The following DNAH7 variants were observed in gnomAD, a reference collection of about 807,000 sequenced individuals.
DNAH7 encodes dynein axonemal heavy chain 7, also known as axonemal beta dynein heavy chain 7.
DNAH7 carries 397 observed loss-of-function variants against 444.6 expected under a neutral mutation model. The ratio of observed to expected loss-of-function variants is 0.89; its 90% CI spans 0.82 to 0.97. The LOEUF (loss-of-function observed/expected upper bound fraction) is 0.97. DNAH7 is among the 50% of genes least tolerant of loss of function. DNAH7 has a pLI of 0.00. For missense variants in DNAH7, 4,902 were observed against 4,800.8 expected, an observed-to-expected ratio of 1.02 and a Z score of -0.62; for synonymous variants, 1,636 against 1,624.4, an observed-to-expected ratio of 1.01 and a Z score of -0.17.
intron 58 of DNAH7, among the ~76,000 whole-genome samples, chr2:195,785,685 T>C (rs940290108): frequency 8.5e-5 from 13 of 152,124 alleles, no homozygotes; most frequent in African/African-American, 2.9e-4. Context: ...GTGGTTTTTC[T>C]TCTTCAGCCT....
intron 21 of DNAH7, among the ~76,000 whole-genome samples, chr2:195,932,693 T>C (rs564415117): frequency 1.6e-4 from 25 of 152,274 alleles, no homozygotes; most frequent in Non-Finnish European, 2.9e-4. Flanking sequence ...GTTTTTGTCG[T>C]TGGTTCTGTT....
Position 195,796,717 on chromosome 2 carries a change from A to C in DNAH7, c.10374T>G (p.Leu3458=). The stretch of plus-strand genomic sequence containing the variant: ...GGCCTTGACCAAGAGATAAAGAGCT[A>C]AGTTTTGATCCCCCATATCCCTGTG... ...ADDQGYGGSK[L]SSLSLGQGQG... is the part of the protein sequence containing the mutation. Residue 3458 remains leucine, a synonymous_variant, in exon 56 of 65, where the codon CTT becomes CTG. Transcript: ENST00000312428. 1 of 1,614,132 alleles carries C rather than the reference A, an allele frequency of 6.2e-7. No homozygotes were observed. The highest frequency in any genetic ancestry group is 8.5e-7 in the Non-Finnish European group (1 of 1,179,980).
At chr2:196,026,242 A>C (rs928367736) in intron 7 of DNAH7, among the ~76,000 whole-genome samples, 1 of 152,216 alleles carries the variant, frequency 6.6e-6, no homozygotes, top group African/African-American at 2.4e-5. Context: ...CAGTGGCCAG[A>C]TTTGCCTGTG....
At chr2:195,817,642 C>A in intron 50 of DNAH7, 54 bp downstream of exon 50, 1 of 1,487,144 alleles carries the variant, frequency 6.7e-7, no homozygotes, top group Middle Eastern at 1.8e-4. Context: ...TATTTTAATT[C>A]ATTCTAGTGA....
At chr2:195,797,442 T>C (rs1696207072) in intron 55 of DNAH7, among the ~76,000 whole-genome samples, 1 of 152,170 alleles carries the variant, frequency 6.6e-6, no homozygotes, top group South Asian at 2.1e-4. Context: ...GATCCTGCTG[T>C]TTCTGGAAGA....
chr2:195,758,323 T>C (rs1442821709), intron 61 of DNAH7, among the ~76,000 whole-genome samples: 2 of 152,270 alleles, frequency 1.3e-5, no homozygotes, highest in African/African-American at 2.4e-5. Flanking sequence ...TTTTCACTTA[T>C]GCATTCAACT....
At chr2:196,024,255 C>G (rs1418783947) in intron 8 of DNAH7, among the ~76,000 whole-genome samples, 174 bp downstream of exon 8, 1 of 151,856 alleles carries the variant, frequency 6.6e-6, no homozygotes, top group Non-Finnish European at 1.5e-5. Flanking sequence ...CTGTGAAGCA[C>G]AATAAAGCAA....
intron 12 of DNAH7, chr2:195,999,096 T>C (rs1279021423): frequency 5.6e-6 from 4 of 717,174 alleles, no homozygotes; most frequent in Non-Finnish European, 2.6e-6. Flanking sequence ...GAAGTCATAA[T>C]TGGCATCTCC....
chr2:195,842,011 T>A lies in DNAH7; in HGVS notation c.8945+2991A>T, dbSNP rs551319575. 3.9e-5 allele frequency among the ~76,000 whole-genome samples: 6 copies of A among 152,178 alleles called. No individual in the cohort carries two copies. The South Asian group carries it at 1.2e-3, about 32-fold the overall frequency. ...TGATATTTTCGTTTTTACACACACA[T>A]AAATTCATAAAAACAGACAAGGAAA... On this transcript the variant is annotated intron_variant, in intron 47 of 64. Transcript: ENST00000312428.
In DNAH7 at chr2:195,817,623, T is replaced by C. The variant is rs1697285783; in HGVS notation, c.9425+73A>G. 2.1e-6 allele frequency: 3 copies of C among 1,427,412 alleles called. No homozygotes were observed. The African/African-American group carries it at 4.3e-5, about 20-fold the overall frequency. 88.4% of individuals were successfully genotyped at this position (1,427,412 alleles called of 1,614,324 possible). ...CCTATTAAATCTAACAAAAGAGATC[T>C]GTAAAATGTATTTTAATTCATTCTA... On this transcript the variant is annotated intron_variant, in intron 50 of 64. Coordinates refer to ENST00000312428, the MANE Select transcript of DNAH7 (RefSeq NM_018897.3).
At chr2:196,041,729 T>C (rs1360876866) in intron 5 of DNAH7, among the ~76,000 whole-genome samples, 3 of 151,836 alleles carry the variant, frequency 2.0e-5, no homozygotes, top group Admixed American at 1.3e-4. Context: ...AATATTTGCA[T>C]AGCAAAAGAA....
rs760170135 is a variant in DNAH7 at position 195,906,755 on chromosome 2, A to T, written c.4239T>A (p.Phe1413Leu). 6.2e-7 allele frequency: 1 copy of T among 1,613,480 alleles called. No individual in the cohort carries two copies. The highest frequency in any genetic ancestry group is 8.5e-7 in the Non-Finnish European group (1 of 1,179,596). Residue 1413 changes from phenylalanine (F) to leucine (L), a missense_variant, in exon 27 of 65, where the codon TTT becomes TTA. Physicochemically the swap from Phe to Leu is conservative, Grantham distance 22. Coordinates refer to ENST00000312428, the MANE Select transcript of DNAH7 (RefSeq NM_018897.3). Reference protein sequence around the residue: ...GINAGADILMFEGTELKLDPT... With the variant: ...GINAGADILMLEGTELKLDPT... ...GGTCAAGTTTTAGTTCAGTTCCTTC[A>T]AACATCAGTATATCAGCACCTGCAT...
chr2:195,985,654 G>A (rs1328551683), intron 14 of DNAH7, among the ~76,000 whole-genome samples: 2 of 152,168 alleles, frequency 1.3e-5, no homozygotes, highest in African/African-American at 2.4e-5. Context: ...GGAGTCTGGT[G>A]AGAGGCAAGA....
intron 10 of DNAH7, among the ~76,000 whole-genome samples, chr2:196,004,000 C>T (rs1318322744): frequency 3.9e-5 from 6 of 152,164 alleles, no homozygotes. Context: ...TGGTTACAGA[C>T]TATTCATAGA....
chr2:195,834,622 T>G (rs998236631), intron 47 of DNAH7, among the ~76,000 whole-genome samples: 3 of 152,222 alleles, frequency 2.0e-5, no homozygotes, highest in Admixed American at 2.0e-4. Context: ...AAATGTTAAA[T>G]TACACTTTTG....
chr2:195,853,438 C>A lies in DNAH7; in HGVS notation c.8686G>T (p.Glu2896Ter). Residue 2896 changes from glutamate to a stop codon, truncating the protein, a stop_gained, in exon 46 of 65, where the codon GAG (glutamate) becomes TAG (stop). Coordinates refer to ENST00000312428, the MANE Select transcript of DNAH7 (RefSeq NM_018897.3). LOFTEE classifies it high-confidence loss of function. ...AAGTTGATGTACAGCTGACCTAGCT[C>A]CAGAGCTGTGTGGCTCCATCGAGTT... ...EKTRWSHTAL[E>*]LGQLYINLTG... is the part of the protein sequence containing the mutation. The A allele has an allele frequency of 6.2e-7, 1 of 1,614,112 alleles. No individual in the cohort carries two copies. Among genetic ancestry groups the A allele is most frequent in the East Asian group, 2.2e-5 (1 of 44,862 alleles).
Position 195,937,567 on chromosome 2 carries a change from A to T in DNAH7, c.3079-775T>A, listed in dbSNP as rs191284766. 3.3e-4 allele frequency among the ~76,000 whole-genome samples: 51 copies of T among 152,314 alleles called. 1 individual carries two copies. Among genetic ancestry groups the T allele is most frequent in the Middle Eastern group, 6.8e-3 (2 of 294 alleles). ...TGATCTTAAAGAACTCATATTTTTT[A>T]AAAAAAGTAAATAGAGTTTATTGAT... On this transcript the variant is annotated intron_variant, in intron 19 of 64. Coordinates refer to ENST00000312428, the MANE Select transcript of DNAH7 (RefSeq NM_018897.3).
At chr2:196,053,018 G>A (rs1215456721) in intron 2 of DNAH7, among the ~76,000 whole-genome samples, 1 of 135,640 alleles carries the variant, frequency 7.4e-6, no homozygotes, top group African/African-American at 2.8e-5. Flanking sequence ...CTCTGCTTAT[G>A]GAGTACACAT....
In DNAH7 at chr2:196,068,788, G is replaced by A; in HGVS notation, c.-77C>T. The A allele has an allele frequency of 1.3e-6, 2 of 1,529,046 alleles. No homozygotes were observed. 94.7% of individuals were successfully genotyped at this position (1,529,046 alleles called of 1,614,324 possible). A position where few individuals can be genotyped will look rare whatever the true frequency, so the allele number is the denominator to read the frequency against. ...CGGAACCCCTAGGACGATAGAGGCA[G>A]GGCCCCGGGACTTGCAGCGGTCTCA... On this transcript the variant is annotated 5_prime_UTR_variant, in exon 1 of 65. Transcript: ENST00000312428.
Sources: gnomAD v4.1 joint callset for allele counts (sites outside exome capture counted in the v4.1 genomes callset) on GRCh38, gnomAD v4.1.1 for gene constraint, MANE v1.5 for transcripts, NCBI Gene and HGNC (gene_info 2026-07-23, HGNC 2026-07-21) for gene names.